SH3KBP1: variants seen among roughly 807,000 people sequenced by gnomAD.
SH3KBP1 encodes the protein SH3 domain containing kinase binding protein 1.
A neutral mutation model predicts 50.1 loss-of-function variants in SH3KBP1; 8 were observed. The ratio of observed to expected loss-of-function variants is 0.16; its 90% confidence interval spans 0.09 to 0.29. SH3KBP1 has a LOEUF of 0.29. Ranked by LOEUF, SH3KBP1 falls within the 10% of genes least tolerant of loss-of-function variation. The pLI, the probability that SH3KBP1 is intolerant of heterozygous loss-of-function variation, is 1.00. For synonymous variants in SH3KBP1, 227 were observed against 218.6 expected (o/e 1.04, Z -0.34); for missense variants, 377 against 535.2 (o/e 0.70, Z 2.92).
At chrX:19,736,739 C>T (rs1423107832) in intron 3 of SH3KBP1, among the ~76,000 whole-genome samples, 1 of 111,405 alleles carries the variant, frequency 9.0e-6, no homozygotes, top group Non-Finnish European at 1.9e-5. Flanking sequence ...AAAGACTAAG[C>T]TGAGGCTGCA....
chrX:19,553,009 G>A (rs974082836), intron 13 of SH3KBP1, among the ~76,000 whole-genome samples: 2 of 111,449 alleles, frequency 1.8e-5, no homozygotes, highest in Non-Finnish European at 3.8e-5. Flanking sequence ...GTGCTGGCCC[G>A]ATTTGGAGGG....
chrX:19,592,102 C>A lies in SH3KBP1; in HGVS notation c.1103G>T (p.Arg368Ile), dbSNP rs751733126. 7 of 1,207,233 alleles carry A rather than the reference C, an allele frequency of 5.8e-6. No individual in the cohort carries two copies. The highest frequency in any genetic ancestry group is 6.7e-6 in the Non-Finnish European group (6 of 892,730). The change falls in exon 11 of 18, where the codon AGA (arginine) becomes ATA (isoleucine). Residue 368 changes from arginine to isoleucine, a missense_variant. Coordinates refer to ENST00000397821, the MANE Select transcript of SH3KBP1 (RefSeq NM_031892.3). ...KHEIKKIPPE[R>I]PEMLPNRTEE... ...TGTTCTGTTTGGAAGCATTTCTGGTCTTTCAGGAGGTATCTTTTTAATTTC... is the reference window on the plus strand; with the variant it reads ...TGTTCTGTTTGGAAGCATTTCTGGTATTTCAGGAGGTATCTTTTTAATTTC...
Position 19,833,353 on chromosome X carries a change from T to C in SH3KBP1, c.162+2772A>G, listed in dbSNP as rs1195525659. Reference sequence around the variant, plus strand: ...TCTTCCTTCCTTCCCAGGGTCCCCCTACCTCTTTCCCATGGTCTTTCTCCC... The same window carrying C: ...TCTTCCTTCCTTCCCAGGGTCCCCCCACCTCTTTCCCATGGTCTTTCTCCC... On this transcript the variant is annotated intron_variant, in intron 2 of 17. Transcript: ENST00000397821. Among the ~76,000 whole-genome samples the C allele has an allele frequency of 5.9e-5, 6 of 102,547 alleles. No individual in the cohort carries two copies. The Admixed American group carries it at 6.2e-4, about 11-fold the overall frequency. The allele number at this position is 102,547 out of a possible 115,157, so 89.0% of individuals were successfully genotyped here.
chrX:19,622,845 C>T (rs1216402566), intron 8 of SH3KBP1, among the ~76,000 whole-genome samples: 1 of 111,303 alleles, frequency 9.0e-6, no homozygotes, highest in Admixed American at 9.5e-5. Flanking sequence ...GAGTTCAAGA[C>T]CAGCCTGGCC....
At chrX:19,791,562 G>T (rs1465374175) in intron 2 of SH3KBP1, among the ~76,000 whole-genome samples, 1 of 108,598 alleles carries the variant, frequency 9.2e-6, no homozygotes, top group Non-Finnish European at 1.9e-5. Context: ...CCAAGAGGGA[G>T]GGGAGTAAAG....
intron 2 of SH3KBP1, among the ~76,000 whole-genome samples, chrX:19,781,812 A>G (rs1569469733): frequency 9.0e-6 from 1 of 111,642 alleles, no homozygotes; most frequent in Non-Finnish European, 1.9e-5. Flanking sequence ...TATGTTTACT[A>G]AAAACCATTG....
At chrX:19,599,015 T>C (rs191202709) in intron 9 of SH3KBP1, among the ~76,000 whole-genome samples, 186 of 111,760 alleles carry the variant, frequency 1.7e-3, no homozygotes, top group African/African-American at 5.7e-3. Flanking sequence ...TGAAACACAA[T>C]GAAGGAATGC....
chrX:19,553,852 T>TATATATATTAAAATATATGTTAATATATA (rs2065315506), intron 13 of SH3KBP1, among the ~76,000 whole-genome samples: 1 of 86,382 alleles, frequency 1.2e-5, no homozygotes, highest in Non-Finnish European at 2.2e-5. Flanking sequence ...ATATATATAT[T>TATATATATTAAAATATATGTTAATATATA]ATATATATTA....
At chrX:19,850,647 T>A (rs1430955779) in intron 1 of SH3KBP1, among the ~76,000 whole-genome samples, 1 of 111,202 alleles carries the variant, frequency 9.0e-6, no homozygotes, top group East Asian at 2.8e-4. Flanking sequence ...AAAAGTGATA[T>A]TGTGATTATG....
In SH3KBP1 at chrX:19,652,987, G is replaced by GT. The variant is rs971415357; in HGVS notation, c.727-7513dup. Among the ~76,000 whole-genome samples the GT allele has an allele frequency of 8.1e-5, 9 of 110,572 alleles. No homozygotes were observed. In the South Asian group the frequency reaches 1.1e-3, roughly 14 times the overall value. On this transcript the variant is annotated intron_variant, in intron 6 of 17. Coordinates refer to ENST00000397821, the MANE Select transcript of SH3KBP1 (RefSeq NM_031892.3). The stretch of plus-strand genomic sequence containing the variant: ...AATAATTTTCTTTTTGTTGTTGTTG[G>GT]TTTTTTTTTGTTTGTTTTTGAGACA...
At chrX:19,658,172 C>G (rs1281376855) in intron 6 of SH3KBP1, among the ~76,000 whole-genome samples, 1 of 111,895 alleles carries the variant, frequency 8.9e-6, no homozygotes, top group African/African-American at 3.3e-5. Flanking sequence ...GCTGTGATAT[C>G]CTGATACTTA....
intron 13 of SH3KBP1, among the ~76,000 whole-genome samples, chrX:19,553,930 T>TATATAATATATATTATATATTAAA (rs2065328072): frequency 2.3e-5 from 1 of 42,609 alleles, no homozygotes; most frequent in Non-Finnish European, 4.3e-5. Flanking sequence ...AATATTAAAA[T>TATATAATATATATTATATATTAAA]ATATAATATA....
intron 2 of SH3KBP1, among the ~76,000 whole-genome samples, chrX:19,797,354 T>C (rs1398959348): frequency 1.8e-5 from 2 of 110,725 alleles, no homozygotes; most frequent in Non-Finnish European, 3.8e-5. Flanking sequence ...TTCCCAGCAG[T>C]GAGAATTGCA....
chrX:19,690,675 A>T (rs1470685360), intron 5 of SH3KBP1, among the ~76,000 whole-genome samples: 2 of 112,626 alleles, frequency 1.8e-5, no homozygotes, highest in Non-Finnish European at 3.8e-5. Flanking sequence ...ATGAAATTGA[A>T]ATTGGACAAC....
intron 4 of SH3KBP1, among the ~76,000 whole-genome samples, chrX:19,699,228 C>T (rs914863619): frequency 8.0e-5 from 9 of 112,178 alleles, no homozygotes; most frequent in Non-Finnish European, 5.6e-5. Flanking sequence ...CTGAACAGCC[C>T]CTGCTTGGAA....
chrX:19,720,051 T>C (rs909178248), intron 3 of SH3KBP1, among the ~76,000 whole-genome samples: 5 of 109,815 alleles, frequency 4.6e-5, no homozygotes, highest in Non-Finnish European at 9.5e-5. Flanking sequence ...TCCACCTGAC[T>C]CTCTCCCTTT....
chrX:19,874,225 G>A (rs1384969312), intron 1 of SH3KBP1, among the ~76,000 whole-genome samples: 3 of 100,269 alleles, frequency 3.0e-5, no homozygotes, highest in African/African-American at 7.6e-5. Flanking sequence ...TCTGAGGCAC[G>A]CAGCAATACT....
intron 2 of SH3KBP1, 131 bp downstream of exon 2, chrX:19,835,994 C>A: frequency 4.9e-6 from 3 of 607,185 alleles, no homozygotes; most frequent in Non-Finnish European, 7.9e-6. Flanking sequence ...ATACATGCTT[C>A]TCTTGATATC....
chrX:19,686,891 C>A (rs754403754), intron 5 of SH3KBP1, among the ~76,000 whole-genome samples: 24 of 111,697 alleles, frequency 2.1e-4, no homozygotes, highest in African/African-American at 7.8e-4. Context: ...TTTAACTGTC[C>A]AATTTTGTGG....
Sources: gnomAD v4.1 joint callset for allele counts (sites outside exome capture counted in the v4.1 genomes callset) on GRCh38, gnomAD v4.1.1 for gene constraint, MANE v1.5 for transcripts, NCBI Gene and HGNC (gene_info 2026-07-23, HGNC 2026-07-21) for gene names.